The following GRID2 variants were observed in gnomAD, a reference collection of about 807,000 sequenced individuals.
GRID2 encodes the protein glutamate receptor ionotropic, delta-2.
A neutral mutation model predicts 114.8 loss-of-function variants in GRID2; 33 were observed. That is an observed-to-expected ratio of 0.29 (90% confidence interval 0.22 to 0.38). GRID2 has a LOEUF of 0.38. Among genes scored for constraint, GRID2 ranks in the 10% least tolerant of loss-of-function variants. The probability of loss-of-function intolerance (pLI) is 1.00; values close to 1 mark genes in which losing one functional copy is unlikely to be tolerated. For synonymous variants in GRID2, 505 were observed against 449.9 expected (o/e 1.12, Z -1.55); for missense variants, 1,184 against 1,257.7 (o/e 0.94, Z 0.89).
chr4:93,093,372 A>T (rs952747283), intron 3 of GRID2, among the ~76,000 whole-genome samples: 26 of 152,028 alleles, frequency 1.7e-4, no homozygotes, highest in Non-Finnish European at 7.4e-5. Context: ...TCTTCAGCAG[A>T]GGTCCCAACT....
chr4:92,502,705 C>CT (rs70940901), intron 1 of GRID2, among the ~76,000 whole-genome samples: 1,429 of 63,932 alleles, frequency 0.022, 110 homozygotes, highest in African/African-American at 0.031. Flanking sequence ...CATGTGATTT[C>CT]TTTTTTTTTT....
At chr4:93,055,933 CCCT>C (rs1578863555) in intron 2 of GRID2, among the ~76,000 whole-genome samples, 1 of 151,816 alleles carries the variant, frequency 6.6e-6, no homozygotes, top group East Asian at 1.9e-4. Flanking sequence ...CTTTATGCTC[CCCT>C]CATCTCCAAA....
chr4:92,660,114 C>A (rs1217889690), intron 2 of GRID2, among the ~76,000 whole-genome samples: 1 of 151,192 alleles, frequency 6.6e-6, no homozygotes, highest in Non-Finnish European at 1.5e-5. Context: ...TTCTAAGATG[C>A]CTTAATGTAG....
chr4:92,694,017 G>A (rs542967884), intron 2 of GRID2, among the ~76,000 whole-genome samples: 26 of 152,242 alleles, frequency 1.7e-4, no homozygotes, highest in Admixed American at 4.6e-4. Context: ...CCTTTTGACA[G>A]ATTGAGGATT....
At chr4:93,336,611 G>C (rs1211353908) in intron 8 of GRID2, among the ~76,000 whole-genome samples, 2 of 152,092 alleles carry the variant, frequency 1.3e-5, no homozygotes, top group Non-Finnish European at 2.9e-5. Context: ...AATTCCCTAG[G>C]TGTTGACAAT....
At chr4:93,472,310 C>G (rs1724920018) in intron 11 of GRID2, among the ~76,000 whole-genome samples, 1 of 151,682 alleles carries the variant, frequency 6.6e-6, no homozygotes, top group Non-Finnish European at 1.5e-5. Flanking sequence ...GCAACAAGAG[C>G]AAAACTCCAT....
At chr4:92,635,016 C>G (rs1404165445) in intron 2 of GRID2, among the ~76,000 whole-genome samples, 5 of 151,912 alleles carry the variant, frequency 3.3e-5, no homozygotes, top group Non-Finnish European at 5.9e-5. Context: ...AGTCACTGTG[C>G]CAAAAGCTGC....
intron 1 of GRID2, among the ~76,000 whole-genome samples, chr4:92,538,605 G>A (rs764931751): frequency 9.9e-5 from 15 of 152,182 alleles, no homozygotes; most frequent in Non-Finnish European, 2.9e-5. Flanking sequence ...TATAGGTCCA[G>A]CCCTTGGCAT....
intron 4 of GRID2, among the ~76,000 whole-genome samples, chr4:93,188,700 A>T (rs180820564): frequency 6.6e-6 from 1 of 151,926 alleles, no homozygotes; most frequent in Non-Finnish European, 1.5e-5. Context: ...TTTTTTCTTT[A>T]ATTTGTTTCT....
At chr4:93,464,257 G>A (rs940128347) in intron 11 of GRID2, among the ~76,000 whole-genome samples, 1 of 152,106 alleles carries the variant, frequency 6.6e-6, no homozygotes, top group African/African-American at 2.4e-5. Context: ...TTCAATTTCT[G>A]TTTGACATGC....
chr4:92,403,380 A>G (rs1324906864), intron 1 of GRID2, among the ~76,000 whole-genome samples: 1 of 152,150 alleles, frequency 6.6e-6, no homozygotes, highest in African/African-American at 2.4e-5. Context: ...CAGTAAGCCT[A>G]AACATTTGTA....
chr4:93,475,050 C>G (rs1725193268), intron 11 of GRID2, among the ~76,000 whole-genome samples: 1 of 152,120 alleles, frequency 6.6e-6, no homozygotes. Flanking sequence ...CCTACTTCCT[C>G]TTTGTTACAT....
chr4:93,324,766 A>G (rs1757641402), intron 8 of GRID2, among the ~76,000 whole-genome samples: 2 of 151,840 alleles, frequency 1.3e-5, no homozygotes, highest in African/African-American at 4.8e-5. Flanking sequence ...TAGTCTTGGG[A>G]GGGTGTATGT....
chr4:92,309,887 A>G (rs1299138032), intron 1 of GRID2, among the ~76,000 whole-genome samples: 1 of 152,104 alleles, frequency 6.6e-6, no homozygotes, highest in East Asian at 1.9e-4. Flanking sequence ...TTAGTGAATA[A>G]AGTAGTTTGT....
chr4:93,458,420 G>A (rs1723409521), intron 11 of GRID2, among the ~76,000 whole-genome samples: 1 of 152,170 alleles, frequency 6.6e-6, no homozygotes, highest in African/African-American at 2.4e-5. Flanking sequence ...CTGTGGGCTA[G>A]TGGCCTCAGC....
chr4:93,401,577 A>C (rs1379014789), intron 9 of GRID2, among the ~76,000 whole-genome samples: 1 of 152,172 alleles, frequency 6.6e-6, no homozygotes, highest in Admixed American at 6.6e-5. Flanking sequence ...AAAGAGAATA[A>C]CTATTTTAAA....
chr4:93,306,240 T>G (rs1193564704), intron 8 of GRID2: 1 of 152,224 alleles, frequency 6.6e-6, no homozygotes, highest in Non-Finnish European at 1.5e-5. Flanking sequence ...AAGGTTGGGC[T>G]AAGAGAAGAG....
intron 2 of GRID2, among the ~76,000 whole-genome samples, chr4:92,816,899 A>C (rs987508457): frequency 2.0e-5 from 3 of 152,176 alleles, no homozygotes; most frequent in Non-Finnish European, 2.9e-5. Context: ...TATAGTGTGC[A>C]TGTATCTGCA....
intron 1 of GRID2, among the ~76,000 whole-genome samples, chr4:92,438,302 A>T (rs7689616): frequency 6.6e-6 from 1 of 152,104 alleles, no homozygotes; most frequent in Admixed American, 6.6e-5. Flanking sequence ...GAGGGACAGT[A>T]TGATGTATTT....
Sources: gnomAD v4.1 joint callset for allele counts (sites outside exome capture counted in the v4.1 genomes callset) on GRCh38, gnomAD v4.1.1 for gene constraint, MANE v1.5 for transcripts, NCBI Gene and HGNC (gene_info 2026-07-23, HGNC 2026-07-21) for gene names.